DNAH14: variants seen among roughly 807,000 people sequenced by gnomAD.
DNAH14 encodes dynein axonemal heavy chain 14, also known as axonemal beta dynein heavy chain 14.
In DNAH14, 478 loss-of-function variants were observed where a neutral mutation model predicts 520.9. The ratio of observed to expected loss-of-function variants is 0.92; its 90% CI spans 0.85 to 0.99. The LOEUF is 0.99. Ranked by LOEUF, DNAH14 falls within the 50% of genes least tolerant of loss-of-function variation. The pLI is 0.00. For missense variants in DNAH14, 4,831 were observed against 5,234.5 expected (o/e 0.92, Z 2.38); for synonymous variants, 1,581 against 1,757.2 (o/e 0.90, Z 2.51).
chr1:225,368,806 G>A (rs1318591699), intron 77 of DNAH14, among the ~76,000 whole-genome samples: 1 of 152,050 alleles, frequency 6.6e-6, no homozygotes, highest in Non-Finnish European at 1.5e-5. Context: ...GTTTCCATTA[G>A]GCTTTTCAGT....
At chr1:225,210,958 C>T (rs1482815765) in intron 41 of DNAH14, among the ~76,000 whole-genome samples, 2 of 152,176 alleles carry the variant, frequency 1.3e-5, no homozygotes, top group African/African-American at 2.4e-5. Flanking sequence ...AGAGCATCAA[C>T]ATCAACAGAA....
At chr1:224,975,733 C>T (rs966526643) in intron 8 of DNAH14, among the ~76,000 whole-genome samples, 4 of 151,348 alleles carry the variant, frequency 2.6e-5, no homozygotes, top group Admixed American at 6.6e-5. Flanking sequence ...TCCTTCAGTT[C>T]TGCTCTGATT....
intron 23 of DNAH14, among the ~76,000 whole-genome samples, chr1:225,113,750 A>G (rs1378006782): frequency 6.6e-6 from 1 of 152,140 alleles, no homozygotes; most frequent in Non-Finnish European, 1.5e-5. Flanking sequence ...GTCTTTCTCC[A>G]TGGCCCTCAC....
intron 1 of DNAH14, among the ~76,000 whole-genome samples, chr1:224,942,200 G>A (rs1461999583): frequency 1.3e-5 from 2 of 152,082 alleles, no homozygotes; most frequent in Admixed American, 1.3e-4. Context: ...GTGGTTTGTA[G>A]TTCTCCTTGA....
At chr1:225,307,628 G>C in intron 59 of DNAH14, 59 bp downstream of exon 59, 1 of 1,300,288 alleles carries the variant, frequency 7.7e-7, no homozygotes, top group East Asian at 2.7e-5. Context: ...AACAGTGTTT[G>C]AAAGCAAAGG....
chr1:225,381,387 C>T lies in DNAH14; in HGVS notation c.12885C>T (p.His4295=), dbSNP rs757650433. Residue 4295 remains histidine, a synonymous_variant, in exon 81 of 86, where the codon CAC becomes CAT. Transcript: ENST00000682510. ...WESLSKNLKD[H]DPLIHCVLLT... is the part of the protein sequence containing the mutation. Reference sequence around the variant, plus strand: ...TTATTTCTTTTTAAAATCCAGATCACGACCCCCTTATCCATTGTGTCTTGC... The same window carrying T: ...TTATTTCTTTTTAAAATCCAGATCATGACCCCCTTATCCATTGTGTCTTGC... 27 of 1,534,368 alleles carry T rather than the reference C, an allele frequency of 1.8e-5. No homozygotes were observed. Among genetic ancestry groups the T allele is most frequent in the African/African-American group, 4.2e-5 (3 of 71,670 alleles).
Position 225,389,782 on chromosome 1 carries a change from C to T in DNAH14, c.13239C>T (p.Ser4413=). Residue 4413 remains serine, a synonymous_variant, in exon 83 of 86, where the codon AGC becomes AGT. Transcript: ENST00000682510. ...GGAAGCAGTCTATTCCATCAACTAG[C>T]CAAAAATGCAAACACCCTGAGGATT... ...TVWKQSIPST[S]QKCKHPEDSE... is the part of the protein sequence containing the mutation. 1 of 1,552,172 alleles carries T rather than the reference C, an allele frequency of 6.4e-7. No homozygotes were observed.
At position 225,168,001 on chromosome 1, in the gene DNAH14, G is replaced by C; in HGVS notation, c.5508G>C (p.Lys1836Asn). ...AAAACTGGTCATCTCAGAAAGAGAAGATTATACAGTTTTATAATCAACTTC... is the reference window on the plus strand; with the variant it reads ...AAAACTGGTCATCTCAGAAAGAGAACATTATACAGTTTTATAATCAACTTC... ...GLQNWSSQKE[K>N]IIQFYNQLQV... The change falls in exon 36 of 86, where the codon AAG becomes AAC. Residue 1836 changes from lysine to asparagine, a missense_variant. Coordinates refer to ENST00000682510, the MANE Select transcript of DNAH14 (RefSeq NM_001367479.1). The C allele has an allele frequency of 6.5e-7, 1 of 1,538,196 alleles. No individual in the cohort carries two copies. Among genetic ancestry groups the C allele is most frequent in the Non-Finnish European group, 8.8e-7 (1 of 1,139,628 alleles).
rs142495641 is a variant in DNAH14 at position 225,121,176 on chromosome 1, G to A, written c.4166+1882G>A. Among the ~76,000 whole-genome samples the A allele has an allele frequency of 2.3e-3, 353 of 152,196 alleles. 3 individuals carry two copies. The highest frequency in any genetic ancestry group is 0.023 in the East Asian group (118 of 5,184). ...TATCTATTATGGCATACATTGTGAT[G>A]TTTTGATACATGTACACAATGTAAA... is the stretch of plus-strand genomic sequence containing the variant. On this transcript the variant is annotated intron_variant, in intron 26 of 85. Coordinates refer to ENST00000682510, the MANE Select transcript of DNAH14 (RefSeq NM_001367479.1).
rs74968234 is a variant in DNAH14 at position 225,232,322 on chromosome 1, G to C, written c.6518+1171G>C. On this transcript the variant is annotated intron_variant, in intron 42 of 85. Transcript: ENST00000682510. This position sits in a 1 kb window ranked among gnomAD's most constrained non-coding sequence, Gnocchi z 4.2. ...ACACGTGTATCACAGGTTATTTATC[G>C]ATTGGTAAACATTTAGATTTTCAAT... is the stretch of plus-strand genomic sequence containing the variant. Among the ~76,000 whole-genome samples the C allele has an allele frequency of 6.6e-6, 1 of 150,914 alleles. No individual in the cohort carries two copies. The highest frequency in any genetic ancestry group is 1.5e-5 in the Non-Finnish European group (1 of 67,852).
At chr1:225,086,484 A>G (rs2073816450) in intron 21 of DNAH14, among the ~76,000 whole-genome samples, 1 of 152,108 alleles carries the variant, frequency 6.6e-6, no homozygotes, top group South Asian at 2.1e-4. Flanking sequence ...ATGTGATAAT[A>G]TAGAGATAGT....
intron 8 of DNAH14, among the ~76,000 whole-genome samples, chr1:224,987,623 C>A (rs2062732662): frequency 6.6e-6 from 1 of 151,928 alleles, no homozygotes; most frequent in African/African-American, 2.4e-5. Flanking sequence ...AGGTTGAATT[C>A]TTTTATTTTA....
intron 21 of DNAH14, among the ~76,000 whole-genome samples, chr1:225,094,831 A>AC (rs1016236673): frequency 7.0e-6 from 1 of 141,952 alleles, no homozygotes; most frequent in African/African-American, 2.9e-5. Context: ...AAAAAAAAAA[A>AC]AAAACAACCC....
chr1:225,201,118 G>A (rs1293596123), intron 38 of DNAH14, among the ~76,000 whole-genome samples: 6 of 151,530 alleles, frequency 4.0e-5, no homozygotes, highest in African/African-American at 1.5e-4. Flanking sequence ...TTGTCTTCGA[G>A]GTCTGAAGTT....
At chr1:225,223,215 A>T (rs2090219325) in intron 41 of DNAH14, among the ~76,000 whole-genome samples, 1 of 152,232 alleles carries the variant, frequency 6.6e-6, no homozygotes, top group African/African-American at 2.4e-5. Context: ...GTAATGCAAG[A>T]TCGACAAAAC....
intron 43 of DNAH14, among the ~76,000 whole-genome samples, chr1:225,244,583 G>A (rs1002773656): frequency 1.3e-5 from 2 of 152,076 alleles, no homozygotes; most frequent in African/African-American, 4.8e-5. Flanking sequence ...AGTCTTGGGA[G>A]GGTGTGTGTG....
intron 12 of DNAH14, among the ~76,000 whole-genome samples, chr1:225,041,284 A>G (rs1318586469): frequency 2.0e-5 from 3 of 152,238 alleles, no homozygotes; most frequent in Non-Finnish European, 4.4e-5. Flanking sequence ...GATAAGAGCT[A>G]AAGTTGTGGA....
chr1:224,992,535 A>G (rs778453908), intron 8 of DNAH14, among the ~76,000 whole-genome samples: 2 of 152,148 alleles, frequency 1.3e-5, no homozygotes, highest in African/African-American at 4.8e-5. Context: ...ATTAGAGTAT[A>G]GAAGCACTAC....
intron 8 of DNAH14, among the ~76,000 whole-genome samples, chr1:224,997,321 A>G (rs543123123): frequency 6.8e-6 from 1 of 147,124 alleles, no homozygotes; most frequent in Admixed American, 6.6e-5. Flanking sequence ...CCCACTGTAG[A>G]AACTGTGGGC....
Sources: gnomAD v4.1 joint callset for allele counts (sites outside exome capture counted in the v4.1 genomes callset) on GRCh38, gnomAD v4.1.1 for gene constraint, Gnocchi (gnomAD v3.1) non-coding constraint, MANE v1.5 for transcripts, NCBI Gene and HGNC (gene_info 2026-07-23, HGNC 2026-07-21) for gene names.